STK40: variants seen among roughly 807,000 people sequenced by gnomAD.
STK40 encodes serine/threonine kinase 40.
A neutral mutation model predicts 47.9 loss-of-function variants in STK40; 13 were observed. That is an observed-to-expected ratio of 0.27 (90% CI 0.18 to 0.43). The LOEUF (loss-of-function observed/expected upper bound fraction) is 0.43. Among genes scored for constraint, STK40 ranks in the 20% least tolerant of loss-of-function variants. STK40 has a pLI of 1.00. For missense variants in STK40, 460 were observed against 595.1 expected (o/e 0.77, Z 2.36); for synonymous variants, 225 against 243.2 (o/e 0.93, Z 0.69).
In STK40 at chr1:36,341,594, A is replaced by G; in HGVS notation, c.*161T>C. 4 of 752,924 alleles carry G rather than the reference A, an allele frequency of 5.3e-6. No homozygotes were observed. The highest frequency in any genetic ancestry group is 8.5e-6 in the Non-Finnish European group (4 of 471,290). 46.6% of individuals were successfully genotyped at this position (752,924 alleles called of 1,614,324 possible). ...TCATCCCAAAAGGTAGCTTCGTGGT[A>G]CCTCTGCTGACCCCACGTGTGACCT... On this transcript the variant is annotated 3_prime_UTR_variant, in exon 11 of 11. Coordinates refer to ENST00000373132, the MANE Select transcript of STK40 (RefSeq NM_001282547.2).
rs570171706 is a variant in STK40, at chr1:36,341,743, C to T, written c.*12G>A. On this transcript the variant is annotated 3_prime_UTR_variant, in exon 11 of 11. Coordinates refer to ENST00000373132, the MANE Select transcript of STK40 (RefSeq NM_001282547.2). ...GAAGTGGCAGCAGTGCTGGTGGCCCCGGCTGAGGCTGTTATTTCCGCAGGT... is the reference window on the plus strand; with the variant it reads ...GAAGTGGCAGCAGTGCTGGTGGCCCTGGCTGAGGCTGTTATTTCCGCAGGT... The T allele has an allele frequency of 4.0e-5, 65 of 1,608,692 alleles. No homozygotes were observed. The highest frequency in any genetic ancestry group is 1.8e-4 in the East Asian group (8 of 44,768).
intron 1 of STK40, among the ~76,000 whole-genome samples, chr1:36,376,360 A>G: frequency 6.6e-6 from 1 of 152,232 alleles, no homozygotes. Flanking sequence ...ACAAGCCCAG[A>G]AGGTATGCAG....
In STK40 at chr1:36,349,808, G is replaced by C. The variant is rs562286097; in HGVS notation, c.624-993C>G. On this transcript the variant is annotated intron_variant, in intron 6 of 10. Transcript: ENST00000373132. ...GGCCCTGTCTAAGAGGCCTGGGAAAGGTTTCCTGGCCCACTGGGGCAGGCA... is the reference window on the plus strand; with the variant it reads ...GGCCCTGTCTAAGAGGCCTGGGAAACGTTTCCTGGCCCACTGGGGCAGGCA... 2.4e-4 allele frequency among the ~76,000 whole-genome samples: 37 copies of C among 152,318 alleles called. No homozygotes were observed. The South Asian group carries it at 7.5e-3, about 31-fold the overall frequency.
intron 1 of STK40, among the ~76,000 whole-genome samples, chr1:36,379,400 T>TC (rs1298837805): frequency 3.7e-5 from 4 of 106,818 alleles, no homozygotes; most frequent in African/African-American, 1.8e-4. Flanking sequence ...TGTAGCCTCT[T>TC]TTTTTTTTTT....
chr1:36,361,083 A>T, intron 2 of STK40, 138 bp downstream of exon 2: 1 of 950,988 alleles, frequency 1.1e-6, no homozygotes, highest in Non-Finnish European at 1.6e-6. Context: ...CTAGGGACCA[A>T]GCCTGGGGCA....
chr1:36,364,520 T>C (rs777500758), intron 1 of STK40, among the ~76,000 whole-genome samples: 19 of 152,254 alleles, frequency 1.2e-4, no homozygotes, highest in Non-Finnish European at 2.8e-4. Context: ...GTGTCTATTA[T>C]TTCTTTTATG....
intron 1 of STK40, among the ~76,000 whole-genome samples, chr1:36,369,567 G>T (rs760798894): frequency 1.3e-5 from 2 of 152,146 alleles, no homozygotes; most frequent in African/African-American, 4.8e-5. Flanking sequence ...AACTCTCCCT[G>T]GTTGGCACAT....
chr1:36,350,981 G>C (rs564956119), intron 6 of STK40, among the ~76,000 whole-genome samples: 4 of 152,188 alleles, frequency 2.6e-5, no homozygotes, highest in Admixed American at 2.6e-4. Flanking sequence ...ATGGCTCCCC[G>C]GGAGTCCCAG....
At chr1:36,357,423 G>C (rs534563237) in intron 4 of STK40, among the ~76,000 whole-genome samples, 2 of 152,308 alleles carry the variant, frequency 1.3e-5, no homozygotes, top group African/African-American at 4.8e-5. Context: ...CTGTGAAGGA[G>C]GCCTCCCAGT....
At chr1:36,356,417 T>G (rs866176884) in intron 4 of STK40, among the ~76,000 whole-genome samples, 15 of 140,736 alleles carry the variant, frequency 1.1e-4, no homozygotes, top group African/African-American at 4.4e-4. Context: ...TTCTTCTTTT[T>G]CTTTTTTTTT....
intron 4 of STK40, among the ~76,000 whole-genome samples, chr1:36,355,841 C>A (rs538439417): frequency 2.6e-5 from 4 of 152,118 alleles, no homozygotes; most frequent in African/African-American, 9.7e-5. Flanking sequence ...TCTAAGATGG[C>A]GGAAGTTAGA....
intron 10 of STK40, chr1:36,343,052 G>C (rs373421274): frequency 8.3e-5 from 50 of 602,682 alleles, no homozygotes; most frequent in East Asian, 3.9e-4. Flanking sequence ...CTGAGTCAGG[G>C]GGCAGAGAAA....
At chr1:36,343,231 C>T (rs989686075) in intron 10 of STK40, 133 bp downstream of exon 10, 22 of 1,045,142 alleles carry the variant, frequency 2.1e-5, no homozygotes, top group Non-Finnish European at 3.1e-5. Flanking sequence ...CCTTTCCCAC[C>T]CCAAGGCTGG....
At position 36,341,452 on chromosome 1, in the gene STK40, C is replaced by T. The variant is rs1451489339; in HGVS notation, c.*303G>A. 1 of 350,182 alleles carries T rather than the reference C, an allele frequency of 2.9e-6. No homozygotes were observed. Among genetic ancestry groups the T allele is most frequent in the African/African-American group, 2.1e-5 (1 of 47,628 alleles). 21.7% of individuals were successfully genotyped at this position (350,182 alleles called of 1,614,324 possible). On this transcript the variant is annotated 3_prime_UTR_variant, in exon 11 of 11. Transcript: ENST00000373132. ...GTGGGGTGAGCAGGCTCCCTCCTCCCTCTTGCTCAGTCCAGAGACAGCATG... is the reference window on the plus strand; with the variant it reads ...GTGGGGTGAGCAGGCTCCCTCCTCCTTCTTGCTCAGTCCAGAGACAGCATG...
chr1:36,373,948 C>T (rs1276794609), intron 1 of STK40, among the ~76,000 whole-genome samples: 4 of 152,200 alleles, frequency 2.6e-5, no homozygotes, highest in African/African-American at 9.6e-5. Context: ...CCTGCTGCAG[C>T]CAGAGAGGAA....
At chr1:36,356,676 T>C (rs142642307) in intron 4 of STK40, among the ~76,000 whole-genome samples, 5,422 of 152,090 alleles carry the variant, frequency 0.036, 287 homozygotes, top group African/African-American at 0.12. Context: ...CCGCCCGCCT[T>C]AGCCTCCCAA....
At chr1:36,351,789 CA>C (rs1646761439) in intron 6 of STK40, among the ~76,000 whole-genome samples, 2 of 152,160 alleles carry the variant, frequency 1.3e-5, no homozygotes, top group South Asian at 4.1e-4. Flanking sequence ...CCCCCAGTGA[CA>C]CAAAGGGCCA....
At chr1:36,353,763 C>A (rs1442618659) in intron 6 of STK40, among the ~76,000 whole-genome samples, 1 of 152,214 alleles carries the variant, frequency 6.6e-6, no homozygotes, top group East Asian at 1.9e-4. Flanking sequence ...CCTGCTGGGA[C>A]TTCACTGCGG....
At chr1:36,368,765 G>C (rs547658186) in intron 1 of STK40, among the ~76,000 whole-genome samples, 1 of 152,312 alleles carries the variant, frequency 6.6e-6, no homozygotes, top group African/African-American at 2.4e-5. Flanking sequence ...AGGTATAAAA[G>C]ACATGATTGG....
Sources: allele counts gnomAD v4.1 joint callset (sites outside exome capture counted in the v4.1 genomes callset), GRCh38; gene constraint gnomAD v4.1.1; transcripts MANE v1.5; gene names NCBI Gene and HGNC (gene_info 2026-07-23, HGNC 2026-07-21).